C11orf87: variants seen among roughly 807,000 people sequenced by gnomAD.
C11orf87 encodes uncharacterized protein C11orf87.
C11orf87 carries 3 observed loss-of-function variants against 9.2 expected under a neutral mutation model. That is an observed-to-expected ratio of 0.33 (90% CI 0.15 to 0.84). C11orf87 has a LOEUF of 0.84. C11orf87 is among the 40% of genes least tolerant of loss of function. C11orf87 has a pLI of 0.55. For missense variants in C11orf87, 256 were observed against 270.7 expected, an observed-to-expected ratio of 0.95 and a Z score of 0.38; for synonymous variants, 124 against 124.6, an observed-to-expected ratio of 1.00 and a Z score of 0.03.
In C11orf87 at chr11:109,427,933, A is replaced by G. The variant is rs2134832818; in HGVS notation, c.*3706A>G. The G allele has an allele frequency of 6.6e-6, 1 of 152,212 alleles. No individual in the cohort carries two copies. Among genetic ancestry groups the G allele is most frequent in the African/African-American group, 2.4e-5 (1 of 41,560 alleles). 9.4% of individuals were successfully genotyped at this position (152,212 alleles called of 1,614,324 possible). On this transcript the variant is annotated 3_prime_UTR_variant, in exon 2 of 2. Coordinates refer to ENST00000327419, the MANE Select transcript of C11orf87 (RefSeq NM_207645.4). ...AATAGTTGTTCCATCCTCTTACCCA[A>G]AGAGGATACTGAAAAGTCCGGTATG...
In C11orf87 at chr11:109,424,243, C is replaced by G. The variant is rs374166066; in HGVS notation, c.*16C>G. On this transcript the variant is annotated 3_prime_UTR_variant, in exon 2 of 2. Transcript: ENST00000327419. This position sits in a 1 kb window ranked among gnomAD's most constrained non-coding sequence, Gnocchi z 4.7. The stretch of plus-strand genomic sequence containing the variant: ...ACTGTCCTGATCGTCTAGCCCCTCT[C>G]GTTCCCCGTCCTCGTTTCCAGCATC... 6.3e-7 allele frequency: 1 copy of G among 1,586,622 alleles called. No individual in the cohort carries two copies. Among genetic ancestry groups the G allele is most frequent in the Non-Finnish European group, 8.6e-7 (1 of 1,162,638 alleles).
chr11:109,427,292 G>C lies in C11orf87; in HGVS notation c.*3065G>C, dbSNP rs1359221174. Reference sequence around the variant, plus strand: ...TAGTGCTCTGTGTAAAGATGATGCAGTTTGTGAGTCAGATTTCATACTGAG... The same window carrying C: ...TAGTGCTCTGTGTAAAGATGATGCACTTTGTGAGTCAGATTTCATACTGAG... On this transcript the variant is annotated 3_prime_UTR_variant, in exon 2 of 2. Transcript: ENST00000327419. 6.6e-6 allele frequency: 1 copy of C among 152,172 alleles called. No homozygotes were observed. Among genetic ancestry groups the C allele is most frequent in the African/African-American group, 2.4e-5 (1 of 41,454 alleles). The allele number at this position is 152,172 out of a possible 1,614,324, so 9.4% of individuals were successfully genotyped here.
Position 109,427,281 on chromosome 11 carries a change from A to G in C11orf87, c.*3054A>G, listed in dbSNP as rs1159555437. ...AATATTTTTAATAGTGCTCTGTGTA[A>G]AGATGATGCAGTTTGTGAGTCAGAT... On this transcript the variant is annotated 3_prime_UTR_variant, in exon 2 of 2. Transcript: ENST00000327419. 6.6e-6 allele frequency: 1 copy of G among 152,162 alleles called. No individual in the cohort carries two copies. The highest frequency in any genetic ancestry group is 1.9e-4 in the East Asian group (1 of 5,200). 9.4% of individuals were successfully genotyped at this position (152,162 alleles called of 1,614,324 possible).
intron 1 of C11orf87, among the ~76,000 whole-genome samples, chr11:109,422,725 T>TTTTTTC (rs1252605218): frequency 1.4e-5 from 2 of 138,692 alleles, no homozygotes; most frequent in African/African-American, 5.5e-5. Context: ...TCAGCTGCTT[T>TTTTTTC]TTTTTTTTTT....
Position 109,427,124 on chromosome 11 carries a change from A to T in C11orf87, c.*2897A>T, listed in dbSNP as rs1015763505. On this transcript the variant is annotated 3_prime_UTR_variant, in exon 2 of 2. Transcript: ENST00000327419. ...TCCCCAAAGGAATGCAAGGAGCAAGAGAAATAAAAGCATTATGTATATTGT... is the reference window on the plus strand; with the variant it reads ...TCCCCAAAGGAATGCAAGGAGCAAGTGAAATAAAAGCATTATGTATATTGT... 1 of 152,204 alleles carries T rather than the reference A, an allele frequency of 6.6e-6. No homozygotes were observed. Among genetic ancestry groups the T allele is most frequent in the African/African-American group, 2.4e-5 (1 of 41,456 alleles). The allele number at this position is 152,204 out of a possible 1,614,324, so 9.4% of individuals were successfully genotyped here. A position where few individuals can be genotyped will look rare whatever the true frequency, so the allele number is the denominator to read the frequency against.
At chr11:109,422,581 A>G (rs1445836608) in intron 1 of C11orf87, among the ~76,000 whole-genome samples, 1 of 152,030 alleles carries the variant, frequency 6.6e-6, no homozygotes, top group Non-Finnish European at 1.5e-5. Flanking sequence ...CCGTTCCCCA[A>G]ACTTTGCAGG....
rs1860573335 is a variant in C11orf87, at chr11:109,426,368, C to G, written c.*2141C>G. 6.6e-6 allele frequency: 1 copy of G among 152,184 alleles called. No homozygotes were observed. Among genetic ancestry groups the G allele is most frequent in the Non-Finnish European group, 1.5e-5 (1 of 68,038 alleles). The allele number at this position is 152,184 out of a possible 1,614,324, so 9.4% of individuals were successfully genotyped here. A position where few individuals can be genotyped will look rare whatever the true frequency, so the allele number is the denominator to read the frequency against. On this transcript the variant is annotated 3_prime_UTR_variant, in exon 2 of 2. Transcript: ENST00000327419. ...TGCTCTTATCCAGAGGAAACATTAC[C>G]TCTAATATTTTTGGTCATCTATTAA...
Position 109,427,442 on chromosome 11 carries a change from A to G in C11orf87, c.*3215A>G, listed in dbSNP as rs921347136. On this transcript the variant is annotated 3_prime_UTR_variant, in exon 2 of 2. Transcript: ENST00000327419. Reference sequence around the variant, plus strand: ...AATTATTTCAATAAGCACATATCCAAGCAATTTGTACAGACCTTGTTTAAA... The same window carrying G: ...AATTATTTCAATAAGCACATATCCAGGCAATTTGTACAGACCTTGTTTAAA... 2 of 152,178 alleles carry G rather than the reference A, an allele frequency of 1.3e-5. No individual in the cohort carries two copies. Among genetic ancestry groups the G allele is most frequent in the African/African-American group, 2.4e-5 (1 of 41,466 alleles). 9.4% of individuals were successfully genotyped at this position (152,178 alleles called of 1,614,324 possible).
intron 1 of C11orf87, 41 bp downstream of exon 1, chr11:109,422,304 T>C: frequency 5.9e-6 from 1 of 168,156 alleles, no homozygotes; most frequent in South Asian, 1.2e-4. Context: ...GATGGCCGGG[T>C]GGCCTGACGG....
In C11orf87 at chr11:109,424,351, G is replaced by C. The variant is rs1361014691; in HGVS notation, c.*124G>C. On this transcript the variant is annotated 3_prime_UTR_variant, in exon 2 of 2. Coordinates refer to ENST00000327419, the MANE Select transcript of C11orf87 (RefSeq NM_207645.4). The surrounding 1 kb of genome is among the most constrained non-coding windows in gnomAD (Gnocchi z 4.7). ...TTTCCTCTTCCTGGTTTCCTTACCTGCCCTCCCCTTACTCTTGTTTCTCCT... is the reference window on the plus strand; with the variant it reads ...TTTCCTCTTCCTGGTTTCCTTACCTCCCCTCCCCTTACTCTTGTTTCTCCT... 13 of 739,508 alleles carry C rather than the reference G, an allele frequency of 1.8e-5. No homozygotes were observed. The highest frequency in any genetic ancestry group is 2.7e-5 in the Non-Finnish European group (12 of 441,788). 45.8% of individuals were successfully genotyped at this position (739,508 alleles called of 1,614,324 possible).
rs141503972 is a variant in C11orf87 at position 109,423,399 on chromosome 11, G to A, written c.-235G>A. 280 of 575,370 alleles carry A rather than the reference G, an allele frequency of 4.9e-4. 2 individuals are homozygous for A. Among genetic ancestry groups the A allele is most frequent in the African/African-American group, 4.8e-3 (255 of 53,158 alleles). 35.6% of individuals were successfully genotyped at this position (575,370 alleles called of 1,614,324 possible). ...GCCTGGTGCCTCTGCAAAGGAAAGG[G>A]GAGCGTGGAGACGTGTTCGAGGTGG... On this transcript the variant is annotated 5_prime_UTR_variant, in exon 2 of 2. Coordinates refer to ENST00000327419, the MANE Select transcript of C11orf87 (RefSeq NM_207645.4). The surrounding 1 kb of genome is among the most constrained non-coding windows in gnomAD (Gnocchi z 5.3).
Position 109,424,041 on chromosome 11 carries a change from G to C in C11orf87, c.408G>C (p.Arg136=). 6.2e-7 allele frequency: 1 copy of C among 1,613,958 alleles called. No homozygotes were observed. Among genetic ancestry groups the C allele is most frequent in the South Asian group, 1.1e-5 (1 of 91,080 alleles). Residue 136 remains arginine, a synonymous_variant, in exon 2 of 2, where the codon CGG becomes CGC. Transcript: ENST00000327419. This position sits in a 1 kb window ranked among gnomAD's most constrained non-coding sequence, Gnocchi z 4.7. ...AKETRLERQP[R]DSPFCAPSNA... is the part of the protein sequence containing the mutation. ...AAACCCGGCTGGAGAGGCAGCCCCG[G>C]GACTCTCCCTTCTGCGCCCCTTCCA...
In C11orf87 at chr11:109,424,120, GCTCCTCCGC is replaced by G; in HGVS notation, c.492_500del (p.Pro167_Pro169del). On this transcript the variant is annotated inframe_deletion, in exon 2 of 2. Coordinates refer to ENST00000327419, the MANE Select transcript of C11orf87 (RefSeq NM_207645.4). The surrounding 1 kb of genome is among the most constrained non-coding windows in gnomAD (Gnocchi z 4.7). ...TGGCCTCCCGTGCCAGGGTCCCTGT[GCTCCTCCGC>G]CTCCACCGCCAGCCTCCAGTCCCCA... 1 of 1,613,858 alleles carries G rather than the reference GCTCCTCCGC, an allele frequency of 6.2e-7. No individual in the cohort carries two copies. Among genetic ancestry groups the G allele is most frequent in the Non-Finnish European group, 8.5e-7 (1 of 1,180,034 alleles).
intron 1 of C11orf87, among the ~76,000 whole-genome samples, chr11:109,422,812 C>A (rs1456888589): frequency 6.9e-6 from 1 of 145,720 alleles, no homozygotes; most frequent in African/African-American, 2.6e-5. Flanking sequence ...TGCGCGTCAG[C>A]CGCGGTCGCG....
rs1309756423 is a variant in C11orf87 at position 109,428,310 on chromosome 11, G to T, written c.*4083G>T. The T allele has an allele frequency of 2.0e-5, 3 of 152,080 alleles. No homozygotes were observed. Among genetic ancestry groups the T allele is most frequent in the Non-Finnish European group, 4.4e-5 (3 of 67,968 alleles). The allele number at this position is 152,080 out of a possible 1,614,324, so 9.4% of individuals were successfully genotyped here. A position where few individuals can be genotyped will look rare whatever the true frequency, so the allele number is the denominator to read the frequency against. ...TATGACCATTATCTGTTTAGTTTGA[G>T]AAATCATTTTTGGATAATATGGATA... On this transcript the variant is annotated 3_prime_UTR_variant, in exon 2 of 2. Transcript: ENST00000327419.
In C11orf87 at chr11:109,423,701, C is replaced by T. The variant is rs1363862022; in HGVS notation, c.68C>T (p.Ala23Val). 1.9e-6 allele frequency: 3 copies of T among 1,612,666 alleles called. No homozygotes were observed. Among genetic ancestry groups the T allele is most frequent in the South Asian group, 2.2e-5 (2 of 91,072 alleles). ...CCGTGTCTCCTCAACCGGACCTTTG[C>T]TTCCCCCAACGCCAGCGGCAGCGGC... ...LPPCLLNRTF[A>V]SPNASGSGNT... Residue 23 changes from alanine to valine, a missense_variant, in exon 2 of 2, where the codon GCT (alanine) becomes GTT (valine). By Grantham distance (64) the Ala-to-Val change is moderately conservative. Coordinates refer to ENST00000327419, the MANE Select transcript of C11orf87 (RefSeq NM_207645.4). This position sits in a 1 kb window ranked among gnomAD's most constrained non-coding sequence, Gnocchi z 5.3.
Position 109,426,876 on chromosome 11 carries a change from T to G in C11orf87, c.*2649T>G, listed in dbSNP as rs1166883066. 1 of 152,214 alleles carries G rather than the reference T, an allele frequency of 6.6e-6. No individual in the cohort carries two copies. The highest frequency in any genetic ancestry group is 1.9e-4 in the East Asian group (1 of 5,198). The allele number at this position is 152,214 out of a possible 1,614,324, so 9.4% of individuals were successfully genotyped here. On this transcript the variant is annotated 3_prime_UTR_variant, in exon 2 of 2. Coordinates refer to ENST00000327419, the MANE Select transcript of C11orf87 (RefSeq NM_207645.4). ...TGGATATTACTTTCTTTCCCTTATT[T>G]GGTGCACTTTCTACAGCGAATAATT...
rs543879045 is a variant in C11orf87, at chr11:109,423,039, C to T, written c.-259-336C>T. On this transcript the variant is annotated intron_variant, in intron 1 of 1. Coordinates refer to ENST00000327419, the MANE Select transcript of C11orf87 (RefSeq NM_207645.4). The surrounding 1 kb of genome is among the most constrained non-coding windows in gnomAD (Gnocchi z 5.3). ...AGGGCGCAGAAAAGAGGAGAGCCGG[C>T]GCTCTGGGAAGTAGGGACTTCAACC... 6.6e-6 allele frequency among the ~76,000 whole-genome samples: 1 copy of T among 152,188 alleles called. No individual in the cohort carries two copies. Among genetic ancestry groups the T allele is most frequent in the East Asian group, 1.9e-4 (1 of 5,142 alleles).
In C11orf87 at chr11:109,423,893, G is replaced by A. The variant is rs985023815; in HGVS notation, c.260G>A (p.Arg87His). Residue 87 changes from arginine to histidine, a missense_variant, in exon 2 of 2, where the codon CGT becomes CAT. Arg to His is a conservative substitution (Grantham distance 29). Transcript: ENST00000327419. This position sits in a 1 kb window ranked among gnomAD's most constrained non-coding sequence, Gnocchi z 5.3. The stretch of plus-strand genomic sequence containing the variant: ...CTCTCCACTTTCCACATCCACAAGC[G>A]TAGGATGAAGAAGCGGAAGATGCAG... ...LSLSTFHIHK[R>H]RMKKRKMQRA... 1.2e-6 allele frequency: 2 copies of A among 1,614,092 alleles called. No homozygotes were observed. Among genetic ancestry groups the A allele is most frequent in the East Asian group, 2.2e-5 (1 of 44,864 alleles).
Sources: gnomAD v4.1 joint callset for allele counts (sites outside exome capture counted in the v4.1 genomes callset) on GRCh38, gnomAD v4.1.1 for gene constraint, Gnocchi (gnomAD v3.1) non-coding constraint, MANE v1.5 for transcripts, NCBI Gene and HGNC (gene_info 2026-07-23, HGNC 2026-07-21) for gene names.